Variants in SLC6A6 observed in about 807,000 individuals in gnomAD.
SLC6A6 encodes sodium- and chloride-dependent taurine transporter.
SLC6A6 carries 16 observed loss-of-function variants against 68.8 expected under a neutral mutation model. That is an observed-to-expected ratio of 0.23 (90% confidence interval 0.16 to 0.35). The LOEUF (loss-of-function observed/expected upper bound fraction) is 0.35, where lower values mean the gene tolerates loss of function less well. Among genes scored for constraint, SLC6A6 ranks in the 10% least tolerant of loss-of-function variants. The probability of loss-of-function intolerance (pLI) is 1.00; values close to 1 mark genes in which losing one functional copy is unlikely to be tolerated. For missense variants in SLC6A6, 474 were observed against 802.8 expected, an observed-to-expected ratio of 0.59 and a Z score of 4.95; for synonymous variants, 312 against 315.4, an observed-to-expected ratio of 0.99 and a Z score of 0.12.
chr3:14,474,638 A>G (rs1341333277), intron 10 of SLC6A6, among the ~76,000 whole-genome samples: 2 of 152,210 alleles, frequency 1.3e-5, no homozygotes, highest in African/African-American at 4.8e-5. Flanking sequence ...ATAGCTGAGG[A>G]AACTGAGACT....
At chr3:14,476,932 A>G (rs1247278988) in intron 10 of SLC6A6, among the ~76,000 whole-genome samples, 4 of 152,230 alleles carry the variant, frequency 2.6e-5, no homozygotes, top group Non-Finnish European at 5.9e-5. Context: ...ACAGCCTGAG[A>G]GAAGATGCAG....
chr3:14,413,406 G>A (rs1387045693), intron 1 of SLC6A6, among the ~76,000 whole-genome samples: 1 of 152,210 alleles, frequency 6.6e-6, no homozygotes, highest in Non-Finnish European at 1.5e-5. Context: ...GGACAGAGAG[G>A]TCGTGGTCTT....
At chr3:14,409,958 C>T (rs570593016) in intron 1 of SLC6A6, among the ~76,000 whole-genome samples, 2 of 152,170 alleles carry the variant, frequency 1.3e-5, no homozygotes, top group African/African-American at 2.4e-5. Flanking sequence ...GAGGCCCAGG[C>T]GGGCGGATCA....
At chr3:14,430,237 CTG>C (rs1364510516) in intron 2 of SLC6A6, among the ~76,000 whole-genome samples, 1 of 152,128 alleles carries the variant, frequency 6.6e-6, no homozygotes, top group Non-Finnish European at 1.5e-5. Flanking sequence ...CTGGGAGTCA[CTG>C]ATAGTTCTTG....
At chr3:14,428,617 C>T (rs1005364827) in intron 2 of SLC6A6, among the ~76,000 whole-genome samples, 1 of 152,126 alleles carries the variant, frequency 6.6e-6, no homozygotes, top group Non-Finnish European at 1.5e-5. Context: ...GGGAGGGTGC[C>T]TTTGCTGAGA....
intron 2 of SLC6A6, among the ~76,000 whole-genome samples, chr3:14,428,601 C>G (rs1397022882): frequency 6.6e-6 from 1 of 152,196 alleles, no homozygotes; most frequent in Non-Finnish European, 1.5e-5. Context: ...ACAACTTTCT[C>G]TCCTGGGGAG....
intron 1 of SLC6A6, among the ~76,000 whole-genome samples, chr3:14,415,321 T>C (rs572131241): frequency 6.6e-6 from 1 of 152,176 alleles, no homozygotes; most frequent in African/African-American, 2.4e-5. Context: ...ATCATCTAAT[T>C]TGGGGGACAG....
At chr3:14,437,710 A>G (rs1195875671) in intron 2 of SLC6A6, among the ~76,000 whole-genome samples, 3 of 152,118 alleles carry the variant, frequency 2.0e-5, no homozygotes, top group Non-Finnish European at 4.4e-5. Flanking sequence ...TAATAGATCT[A>G]TCAAACTTAC....
intron 1 of SLC6A6, among the ~76,000 whole-genome samples, chr3:14,404,004 C>A (rs543475700): frequency 6.6e-6 from 1 of 152,308 alleles, no homozygotes; most frequent in Admixed American, 6.5e-5. Flanking sequence ...CCTGGGCCCC[C>A]GTTTCCTGTC....
intron 7 of SLC6A6, among the ~76,000 whole-genome samples, chr3:14,467,370 T>TTCC (rs1700643948): frequency 6.6e-6 from 1 of 152,176 alleles, no homozygotes; most frequent in Non-Finnish European, 1.5e-5. Flanking sequence ...TGGGACCTCC[T>TTCC]TCTGCATTCT....
chr3:14,424,111 G>T (rs1039292856), intron 2 of SLC6A6, among the ~76,000 whole-genome samples: 1 of 152,292 alleles, frequency 6.6e-6, no homozygotes, highest in South Asian at 2.1e-4. Flanking sequence ...GCCCCAGCAA[G>T]AGTGTTTGAC....
In SLC6A6 at chr3:14,468,349, A is replaced by T. The variant is rs1297401594; in HGVS notation, c.1096+137A>T. Reference sequence around the variant, plus strand: ...TTCTAAAATGGACCCCCCCCCCGCCACCAAGATATCCCCCAAATTTCAAAG... The same window carrying T: ...TTCTAAAATGGACCCCCCCCCCGCCTCCAAGATATCCCCCAAATTTCAAAG... On this transcript the variant is annotated intron_variant, in intron 9 of 14. Coordinates refer to ENST00000622186, the MANE Select transcript of SLC6A6 (RefSeq NM_003043.6). This position sits in a 1 kb window ranked among gnomAD's most constrained non-coding sequence, Gnocchi z 4.5. 1.1e-5 allele frequency: 8 copies of T among 696,470 alleles called. No individual in the cohort carries two copies. The South Asian group carries it at 1.8e-4, about 16-fold the overall frequency. 43.1% of individuals were successfully genotyped at this position (696,470 alleles called of 1,614,324 possible).
chr3:14,448,592 CT>C (rs1700185806), intron 5 of SLC6A6, among the ~76,000 whole-genome samples: 1 of 152,216 alleles, frequency 6.6e-6, no homozygotes, highest in Non-Finnish European at 1.5e-5. Context: ...AAGCCTCTGT[CT>C]GTATCATTTT....
At position 14,485,402 on chromosome 3, in the gene SLC6A6, A is replaced by T. The variant is rs1182042108; in HGVS notation, c.*395A>T. 6.4e-6 allele frequency: 1 copy of T among 155,944 alleles called. No individual in the cohort carries two copies. Among genetic ancestry groups the T allele is most frequent in the Non-Finnish European group, 1.4e-5 (1 of 70,328 alleles). 9.7% of individuals were successfully genotyped at this position (155,944 alleles called of 1,614,324 possible). A position where few individuals can be genotyped will look rare whatever the true frequency, so the allele number is the denominator to read the frequency against. ...GAATTGATCTTCTTGCCAGCAATAG[A>T]TCTCATTTTCAAAAGCAATTCTTCG... On this transcript the variant is annotated 3_prime_UTR_variant, in exon 15 of 15. Coordinates refer to ENST00000622186, the MANE Select transcript of SLC6A6 (RefSeq NM_003043.6).
At chr3:14,426,379 C>T (rs888894221) in intron 2 of SLC6A6, among the ~76,000 whole-genome samples, 3 of 152,192 alleles carry the variant, frequency 2.0e-5, no homozygotes, top group Admixed American at 6.5e-5. Context: ...TAAAATACTG[C>T]GTCCACCTGC....
In SLC6A6 at chr3:14,450,919, C is replaced by T. The variant is rs554656019; in HGVS notation, c.599+3103C>T. 4.8e-4 allele frequency among the ~76,000 whole-genome samples: 73 copies of T among 152,324 alleles called. No homozygotes were observed. Among genetic ancestry groups the T allele is most frequent in the Non-Finnish European group, 8.4e-4 (57 of 68,034 alleles). On this transcript the variant is annotated intron_variant, in intron 5 of 14. Transcript: ENST00000622186. The surrounding 1 kb of genome is among the most constrained non-coding windows in gnomAD (Gnocchi z 4.1). ...TCTCTAAGTAGAGGAAATAGCTAGG[C>T]ATCATCCAAAACTCTTCTTTCTACC...
intron 7 of SLC6A6, among the ~76,000 whole-genome samples, chr3:14,467,413 G>C (rs1487122315): frequency 6.6e-6 from 1 of 152,176 alleles, no homozygotes; most frequent in East Asian, 1.9e-4. Flanking sequence ...AACAACAATG[G>C]TGGTGACAGC....
chr3:14,458,211 C>A, intron 6 of SLC6A6, 129 bp downstream of exon 6: 1 of 792,988 alleles, frequency 1.3e-6, no homozygotes, highest in East Asian at 2.5e-5. Flanking sequence ...GCTGGTAAGC[C>A]CGCCCTCTGG....
intron 2 of SLC6A6, among the ~76,000 whole-genome samples, chr3:14,417,534 A>G (rs1699388967): frequency 6.6e-6 from 1 of 152,142 alleles, no homozygotes; most frequent in South Asian, 2.1e-4. Context: ...GATCGAGACC[A>G]TCCTGGCTAA....
Sources: allele counts gnomAD v4.1 joint callset (sites outside exome capture counted in the v4.1 genomes callset), GRCh38; gene constraint gnomAD v4.1.1; non-coding constraint Gnocchi (gnomAD v3.1); transcripts MANE v1.5; gene names NCBI Gene and HGNC (gene_info 2026-07-23, HGNC 2026-07-21).